TUBA3E: variants seen among roughly 807,000 people sequenced by gnomAD.
The protein encoded by TUBA3E is tubulin alpha 3e, also known as tubulin alpha-3E chain.
In TUBA3E, 21 loss-of-function variants were observed where a neutral mutation model predicts 36.7. The observed-to-expected ratio is 0.57, with a 90% CI of 0.41 to 0.83. TUBA3E has a LOEUF of 0.83. Among genes scored for constraint, TUBA3E ranks in the 40% least tolerant of loss-of-function variants. The probability of loss-of-function intolerance (pLI) is 0.00; values close to 1 mark genes in which losing one functional copy is unlikely to be tolerated. For missense variants in TUBA3E, 469 were observed against 604.2 expected (o/e 0.78, Z 2.35); for synonymous variants, 177 against 241.9 (o/e 0.73, Z 2.49).
rs148691540 is a variant in TUBA3E, at chr2:130,194,126, G to A, written c.716C>T (p.Thr239Met). ...GGCCCCATCAAATCGCAGGGAGGCCGTGATGGAGGACACGATCTGCCCAAT... is the reference window on the plus strand; with the variant it reads ...GGCCCCATCAAATCGCAGGGAGGCCATGATGGAGGACACGATCTGCCCAAT... ...RLIGQIVSSI[T>M]ASLRFDGALN... is the part of the protein sequence containing the mutation. Residue 239 changes from threonine to methionine, a missense_variant, in exon 4 of 5, where the codon ACG becomes ATG. Physicochemically the swap from Thr to Met is moderately conservative, Grantham distance 81 (BLOSUM62 -1). This residue lies in a region of TUBA3E where 296 missense variants were observed against 346.9 expected (regional missense o/e 0.85). Coordinates refer to ENST00000312988, the MANE Select transcript of TUBA3E (RefSeq NM_207312.3). 40 of 1,614,014 alleles carry A rather than the reference G, an allele frequency of 2.5e-5. No homozygotes were observed. Among genetic ancestry groups the A allele is most frequent in the Middle Eastern group, 1.7e-4 (1 of 6,020 alleles).
intron 4 of TUBA3E, among the ~76,000 whole-genome samples, chr2:130,192,824 G>T (rs1690298585): frequency 6.6e-6 from 1 of 152,214 alleles, no homozygotes; most frequent in South Asian, 2.1e-4. Context: ...GGCCAGGTGT[G>T]GTGGCTCAAG....
chr2:130,195,042 T>C, intron 3 of TUBA3E, 37 bp downstream of exon 3: 1 of 1,609,516 alleles, frequency 6.2e-7, no homozygotes, highest in East Asian at 2.2e-5. Context: ...ACCCCTCCCA[T>C]GCAAGACAAT....
chr2:130,197,308 G>A (rs1690431633), intron 1 of TUBA3E, among the ~76,000 whole-genome samples: 1 of 150,560 alleles, frequency 6.6e-6, no homozygotes, highest in South Asian at 2.1e-4. Flanking sequence ...GTAACATAGT[G>A]AGTCCCTGTC....
chr2:130,197,133 G>A (rs989292537), intron 1 of TUBA3E, among the ~76,000 whole-genome samples: 3 of 152,126 alleles, frequency 2.0e-5, no homozygotes, highest in Admixed American at 6.5e-5. Flanking sequence ...TGAAGCCTAC[G>A]GGTGTAATGG....
chr2:130,192,115 A>G lies in TUBA3E; in HGVS notation c.1069T>C (p.Tyr357His), dbSNP rs770175306. 11 of 1,596,008 alleles carry G rather than the reference A, an allele frequency of 6.9e-6. No homozygotes were observed. The South Asian group carries it at 1.2e-4, about 18-fold the overall frequency. The change falls in exon 5 of 5, where the codon TAC becomes CAC. Residue 357 changes from tyrosine (Y) to histidine (H), a missense_variant. Tyr to His is a moderately conservative substitution (Grantham distance 83, BLOSUM62 2). Around this residue, in one of 3 missense-constraint regions of TUBA3E, gnomAD observed 296 missense variants for 346.9 expected, o/e 0.85. Coordinates refer to ENST00000312988, the MANE Select transcript of TUBA3E (RefSeq NM_207312.3). ...CPTGFKVGINYQPPTVVPGGD... is the reference protein window; with the variant it reads ...CPTGFKVGINHQPPTVVPGGD... ...CCGGGGACCACTGTGGGGGGCTGGTAGTTAATGCCCACCTGCCAGAGAAGG... is the reference window on the plus strand; with the variant it reads ...CCGGGGACCACTGTGGGGGGCTGGTGGTTAATGCCCACCTGCCAGAGAAGG...
intron 4 of TUBA3E, among the ~76,000 whole-genome samples, chr2:130,193,403 G>A (rs1690317608): frequency 6.6e-6 from 1 of 151,842 alleles, no homozygotes; most frequent in Non-Finnish European, 1.5e-5. Context: ...GAGGTCAGGA[G>A]TTCAAGACCA....
At position 130,191,993 on chromosome 2, in the gene TUBA3E, G is replaced by C. The variant is rs759535569; in HGVS notation, c.1191C>G (p.Leu397=). ...AWARLVHKFD[L]MYAKWAFVHW... ...GCACAAAGGCCCACTTGGCATACAT[G>C]AGATCGAACTTATGGACCAGGCGGG... Residue 397 remains leucine, a synonymous_variant, in exon 5 of 5, where the codon CTC becomes CTG. Transcript: ENST00000312988. 6.2e-7 allele frequency: 1 copy of C among 1,614,078 alleles called. No individual in the cohort carries two copies. The highest frequency in any genetic ancestry group is 2.2e-5 in the East Asian group (1 of 44,862).
At chr2:130,192,827 G>A (rs1690298642) in intron 4 of TUBA3E, among the ~76,000 whole-genome samples, 1 of 152,200 alleles carries the variant, frequency 6.6e-6, no homozygotes, top group Non-Finnish European at 1.5e-5. Flanking sequence ...CAGGTGTGGT[G>A]GCTCAAGCCT....
rs772219379 is a variant in TUBA3E at position 130,193,883 on chromosome 2, CT to C, written c.958del (p.Arg320GlyfsTer59). 1.5e-5 allele frequency: 24 copies of C among 1,614,134 alleles called. No individual in the cohort carries two copies. In the African/African-American group the frequency reaches 2.5e-4, roughly 17 times the overall value. ...GKYMACCMLY[R>X]GDVVPKDVNA... ...GACGTCTTTGGGGACCACGTCCCCC[CT>C]GTACAACATGCAGCAGGCCATGTAC... On this transcript the variant is annotated frameshift_variant, in exon 4 of 5. Coordinates refer to ENST00000312988, the MANE Select transcript of TUBA3E (RefSeq NM_207312.3). LOFTEE classifies it high-confidence loss of function.
At chr2:130,195,849 T>C (rs1178314041) in intron 2 of TUBA3E, among the ~76,000 whole-genome samples, 4 of 152,236 alleles carry the variant, frequency 2.6e-5, no homozygotes, top group Admixed American at 1.3e-4. Context: ...CCAATGCCAC[T>C]GCACCCTGCA....
chr2:130,196,035 T>C, intron 2 of TUBA3E, 114 bp downstream of exon 2: 1 of 1,360,694 alleles, frequency 7.3e-7, no homozygotes, highest in East Asian at 2.5e-5. Context: ...GCCATGGGCA[T>C]ATGCCTGTCT....
In TUBA3E at chr2:130,198,426, C is replaced by T. The variant is rs528988218; in HGVS notation, c.-66G>A. The T allele has an allele frequency of 6.1e-5, 82 of 1,350,256 alleles. 19 individuals carry two copies. The highest frequency in any genetic ancestry group is 4.0e-4 in the South Asian group (30 of 74,952). The allele number at this position is 1,350,256 out of a possible 1,614,324, so 83.6% of individuals were successfully genotyped here. On this transcript the variant is annotated 5_prime_UTR_variant, in exon 1 of 5. Coordinates refer to ENST00000312988, the MANE Select transcript of TUBA3E (RefSeq NM_207312.3). ...TCAACCGGCTGCCACAGCTGCTGAG[C>T]GCCCAACTGCAATGACCTGCCCACG... is the stretch of plus-strand genomic sequence containing the variant.
At position 130,195,065 on chromosome 2, in the gene TUBA3E, C is replaced by T. The variant is rs768966233; in HGVS notation, c.375+14G>A. The T allele has an allele frequency of 6.2e-7, 1 of 1,611,992 alleles. No individual in the cohort carries two copies. Among genetic ancestry groups the T allele is most frequent in the Admixed American group, 1.7e-5 (1 of 59,912 alleles). Reference sequence around the variant, plus strand: ...CATGCAAGACAATGGCCACATGAAACCTTCTCTTCTTACCAGTTTGCGGAT... The same window carrying T: ...CATGCAAGACAATGGCCACATGAAATCTTCTCTTCTTACCAGTTTGCGGAT... On this transcript the variant is annotated intron_variant, in intron 3 of 4. Coordinates refer to ENST00000312988, the MANE Select transcript of TUBA3E (RefSeq NM_207312.3).
rs771977280 is a variant in TUBA3E at position 130,191,996 on chromosome 2, A to T, written c.1188T>A (p.Asp396Glu). ...CAAAGGCCCACTTGGCATACATGAG[A>T]TCGAACTTATGGACCAGGCGGGCCC... is the stretch of plus-strand genomic sequence containing the variant. The part of the protein sequence containing the change: ...EAWARLVHKF[D>E]LMYAKWAFVH... Residue 396 changes from aspartate to glutamate, a missense_variant, in exon 5 of 5, where the codon GAT becomes GAA. Around this residue, in one of 3 missense-constraint regions of TUBA3E, gnomAD observed 296 missense variants for 346.9 expected, o/e 0.85. Transcript: ENST00000312988. The T allele has an allele frequency of 6.2e-7, 1 of 1,614,020 alleles. No individual in the cohort carries two copies. The highest frequency in any genetic ancestry group is 8.5e-7 in the Non-Finnish European group (1 of 1,179,996).
rs570764795 is a variant in TUBA3E, at chr2:130,197,297, G to A, written c.4-926C>T. Among the ~76,000 whole-genome samples the A allele has an allele frequency of 3.3e-5, 5 of 151,214 alleles. No individual in the cohort carries two copies. The South Asian group carries it at 1.1e-3, about 32-fold the overall frequency. On this transcript the variant is annotated intron_variant, in intron 1 of 4. Coordinates refer to ENST00000312988, the MANE Select transcript of TUBA3E (RefSeq NM_207312.3). ...TTGGGACCAGTTTGAGACCAGCCTGGGTAACATAGTGAGTCCCTGTCCCTA... is the reference window on the plus strand; with the variant it reads ...TTGGGACCAGTTTGAGACCAGCCTGAGTAACATAGTGAGTCCCTGTCCCTA...
In TUBA3E at chr2:130,195,195, A is replaced by G. The variant is rs1166660696; in HGVS notation, c.259T>C (p.Phe87Leu). 1 of 1,614,088 alleles carries G rather than the reference A, an allele frequency of 6.2e-7. No individual in the cohort carries two copies. Among genetic ancestry groups the G allele is most frequent in the African/African-American group, 1.3e-5 (1 of 74,992 alleles). The change falls in exon 3 of 5, where the codon TTC becomes CTC. Residue 87 changes from phenylalanine to leucine, a missense_variant. Transcript: ENST00000312988. ...CCGGTGATCAGCTGCTCTGGGTGGA[A>G]GAGCTGCCTGTAGGTCCCTGTGCGC... ...EVRTGTYRQLFHPEQLITGKE... is the reference protein window; with the variant it reads ...EVRTGTYRQLLHPEQLITGKE...
At position 130,198,399 on chromosome 2, in the gene TUBA3E, C is replaced by A; in HGVS notation, c.-39G>T. ...GCTTCAGCCCAACGCTACTTCCAGACCTCAACCGGCTGCCACAGCTGCTGA... is the reference window on the plus strand; with the variant it reads ...GCTTCAGCCCAACGCTACTTCCAGAACTCAACCGGCTGCCACAGCTGCTGA... On this transcript the variant is annotated 5_prime_UTR_variant, in exon 1 of 5. Coordinates refer to ENST00000312988, the MANE Select transcript of TUBA3E (RefSeq NM_207312.3). 1 of 1,356,070 alleles carries A rather than the reference C, an allele frequency of 7.4e-7. No homozygotes were observed. The highest frequency in any genetic ancestry group is 1.0e-6 in the Non-Finnish European group (1 of 994,782). 84.0% of individuals were successfully genotyped at this position (1,356,070 alleles called of 1,614,324 possible). A position where few individuals can be genotyped will look rare whatever the true frequency, so the allele number is the denominator to read the frequency against.
intron 4 of TUBA3E, among the ~76,000 whole-genome samples, chr2:130,193,207 A>T (rs1690311416): frequency 6.6e-6 from 1 of 151,910 alleles, no homozygotes; most frequent in Non-Finnish European, 1.5e-5. Context: ...GTGAGCCAGG[A>T]TCACACTACT....
rs1340166797 is a variant in TUBA3E at position 130,197,502 on chromosome 2, A to AG, written c.3+855_3+856insC. Among the ~76,000 whole-genome samples the AG allele has an allele frequency of 2.8e-5, 3 of 108,300 alleles. 1 individual carries two copies. Among genetic ancestry groups the AG allele is most frequent in the African/African-American group, 1.4e-4 (3 of 20,938 alleles). 71.0% of individuals were successfully genotyped at this position (108,300 alleles called of 152,430 possible). A position where few individuals can be genotyped will look rare whatever the true frequency, so the allele number is the denominator to read the frequency against. On this transcript the variant is annotated intron_variant, in intron 1 of 4. Coordinates refer to ENST00000312988, the MANE Select transcript of TUBA3E (RefSeq NM_207312.3). ...TATTGAGTGCTGTCTCAAAAAAAAA[A>AG]AAAAAAGAAAAGAAAAGAAAAAAGA...
Sources: gnomAD v4.1 joint callset for allele counts (sites outside exome capture counted in the v4.1 genomes callset) on GRCh38, gnomAD v4.1.1 for gene constraint, gnomAD v4.1.1 regional missense constraint, MANE v1.5 for transcripts, NCBI Gene and HGNC (gene_info 2026-07-23, HGNC 2026-07-21) for gene names.